Variants in MGAT5B observed in about 807,000 individuals in gnomAD.
The protein encoded by MGAT5B is alpha-1,6-mannosylglycoprotein 6-beta-N-acetylglucosaminyltransferase B.
In MGAT5B, 54 loss-of-function variants were observed where a neutral mutation model predicts 95.1. The ratio of observed to expected loss-of-function variants is 0.57; its 90% CI spans 0.46 to 0.71. The LOEUF (loss-of-function observed/expected upper bound fraction) is 0.71. Among genes scored for constraint, MGAT5B ranks in the 30% least tolerant of loss-of-function variants. MGAT5B has a pLI of 0.00. For synonymous variants in MGAT5B, 464 were observed against 451.0 expected (o/e 1.03, Z -0.36); for missense variants, 935 against 1,088.6 (o/e 0.86, Z 1.99).
At chr17:76,876,591 A>G (rs865827972) in intron 2 of MGAT5B, among the ~76,000 whole-genome samples, 6 of 152,078 alleles carry the variant, frequency 3.9e-5, no homozygotes, top group African/African-American at 1.2e-4. Flanking sequence ...AGGGAGAGGG[A>G]GGAGAAGGCT....
intron 17 of MGAT5B, 38 bp downstream of exon 17, chr17:76,948,124 A>T (rs902562281): frequency 6.5e-7 from 1 of 1,545,192 alleles, no homozygotes; most frequent in African/African-American, 1.4e-5. Context: ...AGCCGCTATC[A>T]TCGCTGGCCC....
chr17:76,883,263 G>C lies in MGAT5B; in HGVS notation c.329+965G>C, dbSNP rs1269068244. Among the ~76,000 whole-genome samples the C allele has an allele frequency of 2.0e-5, 3 of 152,118 alleles. No homozygotes were observed. The East Asian group carries it at 5.8e-4, about 29-fold the overall frequency. ...GATCCAACCGTCTCAGCCACCCAAA[G>C]TGCTGGGATTACAGGCATGAGCCAC... On this transcript the variant is annotated intron_variant, in intron 3 of 17. Transcript: ENST00000569840.
At chr17:76,872,993 A>T in intron 2 of MGAT5B, 30 bp downstream of exon 2, 3 of 1,609,382 alleles carry the variant, frequency 1.9e-6, no homozygotes, top group Non-Finnish European at 2.5e-6. Context: ...GGAGTGTGAG[A>T]TGAGTGAGGG....
At chr17:76,942,914 G>A (rs993662236) in intron 15 of MGAT5B, among the ~76,000 whole-genome samples, 6 of 152,152 alleles carry the variant, frequency 3.9e-5, no homozygotes, top group African/African-American at 7.2e-5. Flanking sequence ...AGAGGGGCTC[G>A]GGCAAGGCTG....
In MGAT5B at chr17:76,872,847, G is replaced by A. The variant is rs777746340; in HGVS notation, c.69-4G>A. ...CTCCTGACCCGCCTCCTTCCTCTCC[G>A]CAGGCTTTTTGTCCTGGGCATCGGC... On this transcript the variant is annotated splice_region_variant and splice_polypyrimidine_tract_variant and intron_variant, in intron 1 of 17. Coordinates refer to ENST00000569840, the MANE Select transcript of MGAT5B (RefSeq NM_001199172.2). The A allele has an allele frequency of 1.4e-5, 22 of 1,614,076 alleles. No individual in the cohort carries two copies. The highest frequency in any genetic ancestry group is 5.3e-5 in the African/African-American group (4 of 74,932).
chr17:76,916,069 T>C lies in MGAT5B; in HGVS notation c.1026-8897T>C, dbSNP rs1359435205. ...AGTGCCGCCAAATGTCGTGGGCCTC[T>C]GCTGCTGGGGCCTGGGGCTGCCCTG... On this transcript the variant is annotated intron_variant, in intron 8 of 17. Transcript: ENST00000569840. The surrounding 1 kb of genome is among the most constrained non-coding windows in gnomAD (Gnocchi z 5.3). Among the ~76,000 whole-genome samples the C allele has an allele frequency of 6.6e-6, 1 of 150,776 alleles. No individual in the cohort carries two copies. Among genetic ancestry groups the C allele is most frequent in the Non-Finnish European group, 1.5e-5 (1 of 68,016 alleles).
intron 12 of MGAT5B, among the ~76,000 whole-genome samples, chr17:76,937,762 A>G (rs1473311): frequency 0.086 from 13,040 of 152,276 alleles, 680 homozygotes; most frequent in Middle Eastern, 0.14. Flanking sequence ...AAACAGTTTC[A>G]TGGCTAAAAG....
chr17:76,945,624 CTGTT>C (rs1200274914), intron 15 of MGAT5B, among the ~76,000 whole-genome samples: 2 of 152,220 alleles, frequency 1.3e-5, no homozygotes, highest in African/African-American at 4.8e-5. Flanking sequence ...CCTGTGGCCT[CTGTT>C]TGGGGGTTTG....
At position 76,914,742 on chromosome 17, in the gene MGAT5B, A is replaced by G. The variant is rs546535755; in HGVS notation, c.1025+8555A>G. Among the ~76,000 whole-genome samples, 2 of 151,502 alleles carry G rather than the reference A, an allele frequency of 1.3e-5. No individual in the cohort carries two copies. The highest frequency in any genetic ancestry group is 3.9e-4 in the East Asian group (2 of 5,154). On this transcript the variant is annotated intron_variant, in intron 8 of 17. Coordinates refer to ENST00000569840, the MANE Select transcript of MGAT5B (RefSeq NM_001199172.2). The surrounding 1 kb of genome is among the most constrained non-coding windows in gnomAD (Gnocchi z 5.1). ...CATCCTCCACCTCCGGGTTCAAGTG[A>G]TTCTCCTGCCTCAGCCTCCCGAGTA... is the stretch of plus-strand genomic sequence containing the variant.
At position 76,938,171 on chromosome 17, in the gene MGAT5B, C is replaced by T. The variant is rs368433827; in HGVS notation, c.1584+28C>T. 1.2e-6 allele frequency: 2 copies of T among 1,609,732 alleles called. No homozygotes were observed. Among genetic ancestry groups the T allele is most frequent in the African/African-American group, 2.7e-5 (2 of 74,886 alleles). On this transcript the variant is annotated intron_variant, in intron 13 of 17. Coordinates refer to ENST00000569840, the MANE Select transcript of MGAT5B (RefSeq NM_001199172.2). The surrounding 1 kb of genome is among the most constrained non-coding windows in gnomAD (Gnocchi z 4.3). ...GAGCTCCCATCCCCCGCACCATTCT[C>T]ACACTTGCCGGCTGCAGACACTGAG... is the stretch of plus-strand genomic sequence containing the variant.
At chr17:76,935,801 T>G (rs966688757) in intron 12 of MGAT5B, among the ~76,000 whole-genome samples, 8 of 142,796 alleles carry the variant, frequency 5.6e-5, no homozygotes, top group Middle Eastern at 3.6e-3. Context: ...CATATATATA[T>G]TATATATATT....
At chr17:76,899,857 G>A (rs1281738166) in intron 3 of MGAT5B, among the ~76,000 whole-genome samples, 2 of 152,002 alleles carry the variant, frequency 1.3e-5, no homozygotes, top group African/African-American at 4.8e-5. Flanking sequence ...GGAGAACACT[G>A]GTTCTTGAAA....
chr17:76,924,714 T>G (rs62077195), intron 8 of MGAT5B, among the ~76,000 whole-genome samples: 36,624 of 152,200 alleles, frequency 0.24, 5,041 homozygotes, highest in Admixed American at 0.32. Flanking sequence ...GTGCCCCTTC[T>G]TCCTGGCAGG....
intron 3 of MGAT5B, 100 bp from the exon 4 acceptor site, chr17:76,902,455 C>A (rs995014492): frequency 2.2e-5 from 18 of 822,234 alleles, no homozygotes; most frequent in Middle Eastern, 4.9e-4. Context: ...TGGGGCATTG[C>A]AGAGCCTGCC....
intron 15 of MGAT5B, among the ~76,000 whole-genome samples, chr17:76,942,087 T>TTG (rs1248484760): frequency 6.6e-6 from 1 of 151,404 alleles, no homozygotes; most frequent in African/African-American, 2.4e-5. Flanking sequence ...CAGGGAGAGG[T>TTG]TGTGTGACCT....
At chr17:76,941,809 AG>A (rs1287789446) in intron 15 of MGAT5B, among the ~76,000 whole-genome samples, 3 of 152,260 alleles carry the variant, frequency 2.0e-5, no homozygotes, top group Non-Finnish European at 4.4e-5. Flanking sequence ...CAGGTGAGGC[AG>A]GGTGTGTATC....
At position 76,887,803 on chromosome 17, in the gene MGAT5B, C is replaced by T. The variant is rs192369208; in HGVS notation, c.329+5505C>T. The stretch of plus-strand genomic sequence containing the variant: ...AACTCCTGACCTCATGTGATCTGCC[C>T]GCCTTGGCCTCCCAAAGTGCTGGGA... On this transcript the variant is annotated intron_variant, in intron 3 of 17. Transcript: ENST00000569840. 2.6e-3 allele frequency among the ~76,000 whole-genome samples: 398 copies of T among 151,878 alleles called. 7 individuals carry two copies. Among genetic ancestry groups the T allele is most frequent in the Non-Finnish European group, 1.0e-3 (70 of 67,948 alleles).
intron 2 of MGAT5B, among the ~76,000 whole-genome samples, chr17:76,878,553 C>T (rs1456568559): frequency 6.6e-6 from 1 of 152,182 alleles, no homozygotes; most frequent in Non-Finnish European, 1.5e-5. Context: ...TGGCTCACTG[C>T]AGCCTCAATC....
chr17:76,872,719 A>G (rs1967051793), intron 1 of MGAT5B, 132 bp from the exon 2 acceptor site: 1 of 1,560,098 alleles, frequency 6.4e-7, no homozygotes, highest in Non-Finnish European at 8.7e-7. Flanking sequence ...CTCAGCCCCC[A>G]TCCTTTCATT....
Sources: gnomAD v4.1 joint callset for allele counts (sites outside exome capture counted in the v4.1 genomes callset) on GRCh38, gnomAD v4.1.1 for gene constraint, Gnocchi (gnomAD v3.1) non-coding constraint, MANE v1.5 for transcripts, NCBI Gene and HGNC (gene_info 2026-07-23, HGNC 2026-07-21) for gene names.